GNA14: variants seen among roughly 807,000 people sequenced by gnomAD.
GNA14 encodes G protein subunit alpha 14, also known as guanine nucleotide-binding protein subunit alpha-14.
In GNA14, 50 loss-of-function variants were observed where a neutral mutation model predicts 42.0. The ratio of observed to expected loss-of-function variants is 1.19; its 90% CI spans 0.95 to 1.51. The LOEUF (loss-of-function observed/expected upper bound fraction) is 1.51. Among genes scored for constraint, GNA14 ranks in the 40% most tolerant of loss-of-function variants. The probability of loss-of-function intolerance (pLI) is 0.00; values close to 1 mark genes in which losing one functional copy is unlikely to be tolerated. For missense variants in GNA14, 473 were observed against 446.2 expected (o/e 1.06, Z -0.54); for synonymous variants, 173 against 163.1 (o/e 1.06, Z -0.46).
chr9:77,627,487 A>T (rs1824028353), intron 1 of GNA14, among the ~76,000 whole-genome samples: 1 of 152,180 alleles, frequency 6.6e-6, no homozygotes, highest in African/African-American at 2.4e-5. Flanking sequence ...CAATGCGAAA[A>T]TCCTCAATAA....
At chr9:77,460,230 G>A (rs149802773) in intron 2 of GNA14, among the ~76,000 whole-genome samples, 94 of 152,320 alleles carry the variant, frequency 6.2e-4, no homozygotes, top group African/African-American at 2.1e-3. Context: ...AATCCAATGA[G>A]AGTGCCTGTA....
At chr9:77,614,197 A>C (rs893398114) in intron 1 of GNA14, among the ~76,000 whole-genome samples, 2 of 152,168 alleles carry the variant, frequency 1.3e-5, no homozygotes, top group Non-Finnish European at 2.9e-5. Flanking sequence ...TGCCTTCTCT[A>C]ACCAAAGGCC....
chr9:77,591,380 A>T (rs1035150445), intron 1 of GNA14, among the ~76,000 whole-genome samples: 9 of 152,310 alleles, frequency 5.9e-5, no homozygotes, highest in Non-Finnish European at 8.8e-5. Context: ...TAGGATTTTT[A>T]AAAAAGAATA....
chr9:77,624,958 G>C (rs1361920224), intron 1 of GNA14, among the ~76,000 whole-genome samples: 1 of 151,720 alleles, frequency 6.6e-6, no homozygotes, highest in Non-Finnish European at 1.5e-5. Context: ...AAACTCCTCC[G>C]AGCTAAAAGA....
chr9:77,553,816 CA>C (rs779140906), intron 1 of GNA14, among the ~76,000 whole-genome samples: 4 of 151,752 alleles, frequency 2.6e-5, no homozygotes, highest in Non-Finnish European at 5.9e-5. Context: ...GACAAGTGGC[CA>C]AATACCTATG....
At chr9:77,502,592 G>C (rs1214363863) in intron 2 of GNA14, among the ~76,000 whole-genome samples, 1 of 152,124 alleles carries the variant, frequency 6.6e-6, no homozygotes, top group Non-Finnish European at 1.5e-5. Flanking sequence ...TGCCACGGTT[G>C]GGGTGGCCTT....
In GNA14 at chr9:77,550,996, T is replaced by C. The variant is rs570498398; in HGVS notation, c.125-21743A>G. 2.0e-5 allele frequency among the ~76,000 whole-genome samples: 3 copies of C among 152,338 alleles called. No homozygotes were observed. The South Asian group carries it at 6.2e-4, about 32-fold the overall frequency. ...ATTGAAAATACAACTCTGATTTTCC[T>C]GATGAGGAATATCTTCAGGCAGTCT... On this transcript the variant is annotated intron_variant, in intron 1 of 6. Coordinates refer to ENST00000341700, the MANE Select transcript of GNA14 (RefSeq NM_004297.4).
At chr9:77,568,065 C>T (rs1792458208) in intron 1 of GNA14, among the ~76,000 whole-genome samples, 1 of 152,040 alleles carries the variant, frequency 6.6e-6, no homozygotes, top group Non-Finnish European at 1.5e-5. Flanking sequence ...TGGTAAGCTC[C>T]CTGAGACAGA....
chr9:77,546,671 G>A (rs568655045), intron 1 of GNA14, among the ~76,000 whole-genome samples: 1 of 152,124 alleles, frequency 6.6e-6, no homozygotes, highest in East Asian at 1.9e-4. Context: ...ATTTGGGTGA[G>A]AATTTTTCAA....
chr9:77,470,890 C>A (rs1836319000), intron 2 of GNA14, among the ~76,000 whole-genome samples: 1 of 152,152 alleles, frequency 6.6e-6, no homozygotes, highest in Admixed American at 6.5e-5. Context: ...ACCATCAGAT[C>A]TCAGGAGAAT....
intron 1 of GNA14, among the ~76,000 whole-genome samples, chr9:77,594,438 G>GC (rs1165716681): frequency 1.3e-5 from 2 of 152,212 alleles, no homozygotes; most frequent in African/African-American, 4.8e-5. Flanking sequence ...GTGGTCTCCA[G>GC]CTGGCCCTAA....
At chr9:77,623,778 C>T (rs1004950311) in intron 1 of GNA14, among the ~76,000 whole-genome samples, 4 of 152,190 alleles carry the variant, frequency 2.6e-5, no homozygotes, top group African/African-American at 7.2e-5. Context: ...ACCCGCAGAC[C>T]AGGAGATTCC....
intron 1 of GNA14, among the ~76,000 whole-genome samples, chr9:77,551,871 AGCTCATGC>A (rs1837791349): frequency 6.6e-6 from 1 of 152,086 alleles, no homozygotes; most frequent in Non-Finnish European, 1.5e-5. Context: ...CAGGCGCGGT[AGCTCATGC>A]CTGTAATCCC....
intron 2 of GNA14, among the ~76,000 whole-genome samples, chr9:77,522,833 A>T (rs1480917462): frequency 2.0e-5 from 3 of 152,212 alleles, no homozygotes; most frequent in Non-Finnish European, 4.4e-5. Context: ...TGATAAACCC[A>T]GCAGTAGGAA....
At chr9:77,472,788 A>ATC (rs34429720) in intron 2 of GNA14, among the ~76,000 whole-genome samples, 11,846 of 141,798 alleles carry the variant, frequency 0.084, 888 homozygotes, top group African/African-American at 0.21. Context: ...ACATGACATG[A>ATC]TCTCTCTCTC....
At chr9:77,583,614 T>C (rs896023260) in intron 1 of GNA14, among the ~76,000 whole-genome samples, 3 of 152,232 alleles carry the variant, frequency 2.0e-5, no homozygotes, top group Admixed American at 6.5e-5. Flanking sequence ...CTAACTCCTG[T>C]GTCTACAAGC....
chr9:77,501,374 T>C (rs1836967832), intron 2 of GNA14, among the ~76,000 whole-genome samples: 1 of 152,342 alleles, frequency 6.6e-6, no homozygotes, highest in South Asian at 2.1e-4. Context: ...GGTGTTGTCA[T>C]TGTTTTTTCT....
At chr9:77,610,277 CT>C (rs1184440073) in intron 1 of GNA14, among the ~76,000 whole-genome samples, 2 of 152,280 alleles carry the variant, frequency 1.3e-5, no homozygotes, top group Non-Finnish European at 2.9e-5. Context: ...CCTTCTGGTC[CT>C]TTTGAGTTTC....
chr9:77,423,611 A>G lies in GNA14; in HGVS notation c.*368T>C, dbSNP rs1474750863. The stretch of plus-strand genomic sequence containing the variant: ...AAATTAACTCTAGAGGTTTGAAGGC[A>G]TGATCTATAAACTAACAGGCTCCTT... On this transcript the variant is annotated 3_prime_UTR_variant, in exon 7 of 7. Transcript: ENST00000341700. The G allele has an allele frequency of 6.5e-6, 1 of 154,282 alleles. No individual in the cohort carries two copies. Among genetic ancestry groups the G allele is most frequent in the Non-Finnish European group, 1.4e-5 (1 of 69,518 alleles). The allele number at this position is 154,282 out of a possible 1,614,324, so 9.6% of individuals were successfully genotyped here.
Sources: gnomAD v4.1 joint callset for allele counts (sites outside exome capture counted in the v4.1 genomes callset) on GRCh38, gnomAD v4.1.1 for gene constraint, MANE v1.5 for transcripts, NCBI Gene and HGNC (gene_info 2026-07-23, HGNC 2026-07-21) for gene names.